NLK: variants seen among roughly 807,000 people sequenced by gnomAD.
NLK encodes the protein serine/threonine-protein kinase NLK.
A neutral mutation model predicts 59.0 loss-of-function variants in NLK; 11 were observed. That is an observed-to-expected ratio of 0.19 (90% CI 0.12 to 0.31). The LOEUF is 0.31. Among genes scored for constraint, NLK ranks in the 10% least tolerant of loss-of-function variants. NLK has a pLI of 1.00. For synonymous variants in NLK, 235 were observed against 235.9 expected (o/e 1.00, Z 0.03); for missense variants, 410 against 661.1 (o/e 0.62, Z 4.16).
rs139680667 is a variant in NLK, at chr17:28,044,246, C to G, written c.458+915C>G. The stretch of plus-strand genomic sequence containing the variant: ...AACTAGAATGAACTGGGTTTTCTCC[C>G]AAGGACTAATGATTCCACTTTGGAT... On this transcript the variant is annotated intron_variant, in intron 1 of 10. Transcript: ENST00000407008. Among the ~76,000 whole-genome samples the G allele has an allele frequency of 2.2e-4, 33 of 152,166 alleles. No individual in the cohort carries two copies. In the East Asian group the frequency reaches 5.0e-3, roughly 23 times the overall value.
intron 1 of NLK, among the ~76,000 whole-genome samples, chr17:28,085,446 A>C (rs1910482029): frequency 6.6e-6 from 1 of 152,082 alleles, no homozygotes; most frequent in African/African-American, 2.4e-5. Flanking sequence ...CGTTAAAATT[A>C]TAAGAGCTGA....
chr17:28,168,510 A>G lies in NLK; in HGVS notation c.900A>G (p.Glu300=). Residue 300 remains glutamate (E), a synonymous_variant, in exon 6 of 11, where the codon GAA becomes GAG. Coordinates refer to ENST00000407008, the MANE Select transcript of NLK (RefSeq NM_016231.5). ...ELDESRHMTQ[E]VVTQYYRAPE... is the part of the protein sequence containing the mutation. ...ATGAATCCCGTCATATGACTCAGGA[A>G]GTTGTTACTCAGTATTATCGGGCTC... 6.2e-7 allele frequency: 1 copy of G among 1,613,878 alleles called. No homozygotes were observed. The highest frequency in any genetic ancestry group is 2.2e-5 in the East Asian group (1 of 44,880).
At chr17:28,084,532 TGTC>T (rs1910448176) in intron 1 of NLK, among the ~76,000 whole-genome samples, 1 of 151,616 alleles carries the variant, frequency 6.6e-6, no homozygotes. Flanking sequence ...GGCTGTGACT[TGTC>T]AACGGGGCTG....
At chr17:28,117,866 G>A (rs1055921836) in intron 1 of NLK, among the ~76,000 whole-genome samples, 4 of 152,110 alleles carry the variant, frequency 2.6e-5, no homozygotes, top group African/African-American at 9.7e-5. Context: ...GTTTTGGATG[G>A]GGGAAAGGCC....
chr17:28,060,819 G>C (rs964514313), intron 1 of NLK, among the ~76,000 whole-genome samples: 1 of 152,174 alleles, frequency 6.6e-6, no homozygotes, highest in Admixed American at 6.5e-5. Context: ...AGCATGGATG[G>C]ATGGAGTCTT....
intron 1 of NLK, among the ~76,000 whole-genome samples, chr17:28,083,472 T>C (rs1427769617): frequency 2.0e-5 from 3 of 152,306 alleles, no homozygotes; most frequent in South Asian, 4.1e-4. Context: ...ATTTAAAATA[T>C]AGTGTCTGAG....
chr17:28,199,688 AAC>A (rs1265529176), downstream of NLK, among the ~76,000 whole-genome samples: 2 of 9,510 alleles, frequency 2.1e-4, no homozygotes, highest in African/African-American at 8.9e-4. Context: ...AAAAAAACAA[AAC>A]AAAACAAAAA....
Position 28,191,235 on chromosome 17 carries a change from G to T in NLK, c.1435+16G>T. On this transcript the variant is annotated intron_variant, in intron 9 of 10. Coordinates refer to ENST00000407008, the MANE Select transcript of NLK (RefSeq NM_016231.5). ...CAGGTTAAAGGTGAGTATCTGTTTT[G>T]GCCTTTGGCCAGGCAATATGCCTAG... The T allele has an allele frequency of 1.3e-6, 2 of 1,583,858 alleles. No homozygotes were observed. The highest frequency in any genetic ancestry group is 1.7e-6 in the Non-Finnish European group (2 of 1,166,680).
intron 1 of NLK, among the ~76,000 whole-genome samples, chr17:28,117,526 CAG>C (rs1423013784): frequency 6.6e-6 from 1 of 152,128 alleles, no homozygotes; most frequent in African/African-American, 2.4e-5. Context: ...TCATTAAACA[CAG>C]AGTTAGAGGA....
intron 7 of NLK, among the ~76,000 whole-genome samples, chr17:28,174,380 G>T (rs1476481869): frequency 6.6e-6 from 1 of 151,946 alleles, no homozygotes; most frequent in African/African-American, 2.4e-5. Context: ...ACTGAGTTTA[G>T]TGATGACCTT....
At chr17:28,082,393 T>C (rs1394703379) in intron 1 of NLK, among the ~76,000 whole-genome samples, 1 of 152,240 alleles carries the variant, frequency 6.6e-6, no homozygotes, top group Non-Finnish European at 1.5e-5. Flanking sequence ...AACATAAAAC[T>C]TTCATTTGAG....
At chr17:28,065,715 A>G (rs971964560) in intron 1 of NLK, among the ~76,000 whole-genome samples, 1 of 152,214 alleles carries the variant, frequency 6.6e-6, no homozygotes, top group Non-Finnish European at 1.5e-5. Context: ...GCAGTGATAA[A>G]TAAAAACATT....
chr17:28,106,901 A>G (rs758275954), intron 1 of NLK, among the ~76,000 whole-genome samples: 5 of 152,258 alleles, frequency 3.3e-5, no homozygotes, highest in Non-Finnish European at 7.3e-5. Context: ...TAGAGCATAT[A>G]TAATGTACTG....
At chr17:28,176,700 A>G (rs768022842) in intron 7 of NLK, among the ~76,000 whole-genome samples, 1 of 152,236 alleles carries the variant, frequency 6.6e-6, no homozygotes, top group African/African-American at 2.4e-5. Context: ...GTGAGAACAT[A>G]TAAAATAAAA....
intron 3 of NLK, among the ~76,000 whole-genome samples, chr17:28,160,026 A>G (rs1048347871): frequency 1.3e-5 from 2 of 152,166 alleles, no homozygotes; most frequent in Non-Finnish European, 2.9e-5. Flanking sequence ...ATCCAGGGGA[A>G]ATAGGTAGGC....
At chr17:28,127,168 T>C (rs961923718) in intron 2 of NLK, among the ~76,000 whole-genome samples, 3 of 151,918 alleles carry the variant, frequency 2.0e-5, no homozygotes, top group African/African-American at 7.3e-5. Context: ...AGTAAGTGAG[T>C]GAATGAAAGT....
At chr17:28,137,171 G>A (rs1162079931) in intron 3 of NLK, among the ~76,000 whole-genome samples, 1 of 152,014 alleles carries the variant, frequency 6.6e-6, no homozygotes, top group Non-Finnish European at 1.5e-5. Flanking sequence ...TAATTTGGAG[G>A]ATTATTGTGT....
chr17:28,169,086 G>C (rs1328805238), intron 6 of NLK, among the ~76,000 whole-genome samples: 1 of 151,866 alleles, frequency 6.6e-6, no homozygotes, highest in Non-Finnish European at 1.5e-5. Context: ...GGGTTTTGCT[G>C]TATTGGCCAG....
chr17:28,114,148 T>C (rs1905649986), intron 1 of NLK, among the ~76,000 whole-genome samples: 1 of 152,322 alleles, frequency 6.6e-6, no homozygotes, highest in African/African-American at 2.4e-5. Context: ...AACATTCTGT[T>C]TGTGGATATT....
Sources: allele counts gnomAD v4.1 joint callset (sites outside exome capture counted in the v4.1 genomes callset), GRCh38; gene constraint gnomAD v4.1.1; transcripts MANE v1.5; gene names NCBI Gene and HGNC (gene_info 2026-07-23, HGNC 2026-07-21).